The following GRIA1 variants were observed in gnomAD, a reference collection of about 807,000 sequenced individuals.
GRIA1 encodes the protein glutamate receptor 1.
A neutral mutation model predicts 99.2 loss-of-function variants in GRIA1; 31 were observed. The ratio of observed to expected loss-of-function variants is 0.31; its 90% CI spans 0.23 to 0.42. The LOEUF is 0.42. Ranked by LOEUF, GRIA1 falls within the 10% of genes least tolerant of loss-of-function variation. The pLI is 1.00. For missense variants in GRIA1, 782 were observed against 1,157.5 expected (o/e 0.68, Z 4.71); for synonymous variants, 438 against 432.4 (o/e 1.01, Z -0.16).
At chr5:153,570,672 G>A (rs1023107314) in intron 2 of GRIA1, among the ~76,000 whole-genome samples, 1 of 152,090 alleles carries the variant, frequency 6.6e-6, no homozygotes, top group Non-Finnish European at 1.5e-5. Flanking sequence ...TGTGACCTCT[G>A]GCGCCTTATC....
chr5:153,502,625 C>T (rs1459822842), intron 2 of GRIA1, among the ~76,000 whole-genome samples: 3 of 152,150 alleles, frequency 2.0e-5, no homozygotes, highest in Admixed American at 1.3e-4. Context: ...ATGCATCTTA[C>T]GACTTTGGTG....
In GRIA1 at chr5:153,543,759, C is replaced by T. The variant is rs187499573; in HGVS notation, c.220+49694C>T. ...TCTTCTCTATGTACGAGGGCTAAAC[C>T]ATCAGAGGCAGCTTCATAATTACTC... On this transcript the variant is annotated intron_variant, in intron 2 of 15. Transcript: ENST00000285900. Among the ~76,000 whole-genome samples, 824 of 152,244 alleles carry T rather than the reference C, an allele frequency of 5.4e-3. 7 individuals carry two copies. The highest frequency in any genetic ancestry group is 0.014 in the Middle Eastern group (4 of 294).
rs140729288 is a variant in GRIA1 at position 153,514,851 on chromosome 5, A to G, written c.220+20786A>G. ...ACAATAATGGACAACAGATATATAAAAAAATGTTCCACATCATTAATCATC... is the reference window on the plus strand; with the variant it reads ...ACAATAATGGACAACAGATATATAAGAAAATGTTCCACATCATTAATCATC... On this transcript the variant is annotated intron_variant, in intron 2 of 15. Coordinates refer to ENST00000285900, the MANE Select transcript of GRIA1 (RefSeq NM_000827.4). Among the ~76,000 whole-genome samples, 635 of 152,328 alleles carry G rather than the reference A, an allele frequency of 4.2e-3. 3 individuals are homozygous for G. Among genetic ancestry groups the G allele is most frequent in the African/African-American group, 0.015 (615 of 41,586 alleles).
intron 2 of GRIA1, among the ~76,000 whole-genome samples, chr5:153,608,135 C>G (rs1313566326): frequency 6.6e-6 from 1 of 152,102 alleles, no homozygotes; most frequent in East Asian, 1.9e-4. Flanking sequence ...TATTGTTGAT[C>G]TTTTGACAGT....
chr5:153,762,411 G>T (rs1296303003), intron 11 of GRIA1, among the ~76,000 whole-genome samples: 3 of 152,170 alleles, frequency 2.0e-5, no homozygotes, highest in Non-Finnish European at 4.4e-5. Context: ...CTCAACACTT[G>T]TATCTGCCAC....
intron 2 of GRIA1, among the ~76,000 whole-genome samples, chr5:153,635,580 T>C (rs1271308284): frequency 2.0e-5 from 3 of 152,152 alleles, no homozygotes; most frequent in African/African-American, 4.8e-5. Flanking sequence ...GACTGTAGCC[T>C]TTACTGTGGC....
At chr5:153,750,649 C>G (rs1762451555) in intron 11 of GRIA1, among the ~76,000 whole-genome samples, 1 of 152,102 alleles carries the variant, frequency 6.6e-6, no homozygotes, top group South Asian at 2.1e-4. Flanking sequence ...GCCCCTATAC[C>G]CAGGTTGCTG....
In GRIA1 at chr5:153,622,907, C is replaced by T. The variant is rs553819099; in HGVS notation, c.221-24021C>T. On this transcript the variant is annotated intron_variant, in intron 2 of 15. Transcript: ENST00000285900. ...GGTGTTTGCAGAGGCCTAGATGCGG[C>T]ACCTACACTCAGTCTTATGTAAATA... Among the ~76,000 whole-genome samples, 11 of 152,274 alleles carry T rather than the reference C, an allele frequency of 7.2e-5. No individual in the cohort carries two copies. The East Asian group carries it at 2.1e-3, about 29-fold the overall frequency.
chr5:153,798,914 CA>C (rs1206627059), intron 14 of GRIA1, among the ~76,000 whole-genome samples: 1 of 152,124 alleles, frequency 6.6e-6, no homozygotes, highest in African/African-American at 2.4e-5. Flanking sequence ...TTAAGGAGAA[CA>C]GATGAGTGGG....
intron 13 of GRIA1, among the ~76,000 whole-genome samples, chr5:153,780,053 T>G (rs1402166790): frequency 2.0e-5 from 3 of 152,242 alleles, no homozygotes; most frequent in African/African-American, 7.2e-5. Flanking sequence ...ACTGAAGCAC[T>G]GCTCCTCCTG....
chr5:153,601,588 T>G (rs983787976), intron 2 of GRIA1, among the ~76,000 whole-genome samples: 1 of 152,240 alleles, frequency 6.6e-6, no homozygotes, highest in African/African-American at 2.4e-5. Context: ...AACACCTCTC[T>G]ATTCAACACC....
chr5:153,699,493 A>G (rs1758358275), intron 10 of GRIA1, among the ~76,000 whole-genome samples: 1 of 152,112 alleles, frequency 6.6e-6, no homozygotes, highest in Non-Finnish European at 1.5e-5. Flanking sequence ...TGAAATTTCC[A>G]ATTCAGTCAA....
chr5:153,744,067 T>A (rs1423812115), intron 11 of GRIA1, among the ~76,000 whole-genome samples: 1 of 152,196 alleles, frequency 6.6e-6, no homozygotes, highest in East Asian at 1.9e-4. Context: ...AAGTTGAAGG[T>A]TCCTTGGTGC....
intron 13 of GRIA1, among the ~76,000 whole-genome samples, chr5:153,788,106 AT>A (rs1290101516): frequency 3.3e-5 from 5 of 151,820 alleles, no homozygotes; most frequent in Non-Finnish European, 7.4e-5. Context: ...AAATTAGTGC[AT>A]CCAAAGCTGA....
chr5:153,680,343 T>C (rs1756885552), intron 7 of GRIA1, among the ~76,000 whole-genome samples: 2 of 152,074 alleles, frequency 1.3e-5, no homozygotes, highest in South Asian at 4.1e-4. Context: ...ACCCACATCC[T>C]GGAGGCCCTC....
At chr5:153,643,533 G>A (rs1753922444) in intron 2 of GRIA1, among the ~76,000 whole-genome samples, 2 of 152,122 alleles carry the variant, frequency 1.3e-5, no homozygotes, top group Non-Finnish European at 1.5e-5. Flanking sequence ...CAGGCCTTGG[G>A]CCTATAGGGT....
intron 5 of GRIA1, among the ~76,000 whole-genome samples, chr5:153,664,777 G>A (rs533053469): frequency 3.9e-5 from 6 of 152,150 alleles, no homozygotes; most frequent in Admixed American, 2.0e-4. Context: ...TTCTTACCTG[G>A]TTCCCAGTAG....
chr5:153,772,126 A>C (rs1385339928), intron 13 of GRIA1, among the ~76,000 whole-genome samples: 1 of 152,204 alleles, frequency 6.6e-6, no homozygotes, highest in Admixed American at 6.5e-5. Flanking sequence ...TAAATAGATA[A>C]AAATCAGCAG....
intron 11 of GRIA1, 94 bp from the exon 12 acceptor site, chr5:153,764,340 C>A: frequency 1.1e-6 from 1 of 900,656 alleles, no homozygotes; most frequent in Non-Finnish European, 1.9e-6. Flanking sequence ...CCTGACCGCT[C>A]TGCTGCCAAG....
Sources: allele counts gnomAD v4.1 joint callset (sites outside exome capture counted in the v4.1 genomes callset), GRCh38; gene constraint gnomAD v4.1.1; transcripts MANE v1.5; gene names NCBI Gene and HGNC (gene_info 2026-07-23, HGNC 2026-07-21).